Variants in P4HB observed in about 807,000 individuals in gnomAD.
The protein encoded by P4HB is protein disulfide-isomerase.
Under a neutral mutation model 52.6 loss-of-function variants are expected in P4HB, and 20 were observed. That is an observed-to-expected ratio of 0.38 (90% CI 0.27 to 0.55). P4HB has a LOEUF of 0.55. Ranked by LOEUF, P4HB falls within the 20% of genes least tolerant of loss-of-function variation. The pLI is 0.74. For synonymous variants in P4HB, 296 were observed against 277.9 expected, an observed-to-expected ratio of 1.07 and a Z score of -0.65; for missense variants, 601 against 669.2, an observed-to-expected ratio of 0.90 and a Z score of 1.12.
Position 81,860,348 on chromosome 17 carries a change from T to C in P4HB, c.124A>G (p.Lys42Glu). 7 of 1,473,564 alleles carry C rather than the reference T, an allele frequency of 4.8e-6. No homozygotes were observed. The highest frequency in any genetic ancestry group is 1.3e-5 in the South Asian group (1 of 76,332). 91.3% of individuals were successfully genotyped at this position (1,473,564 alleles called of 1,614,324 possible). ...TCACAGAACTCCACCAGCAGGTACT[T>C]GTGGGCCGCCAGCGCCTCCGCGAAG... ...SNFAEALAAH[K>E]YLLVEFYAPW... The change falls in exon 1 of 11, where the codon AAG (lysine) becomes GAG (glutamate). Residue 42 changes from lysine to glutamate, a missense_variant. Coordinates refer to ENST00000331483, the MANE Select transcript of P4HB (RefSeq NM_000918.4).
chr17:81,850,972 C>T (rs1390813569), intron 4 of P4HB, among the ~76,000 whole-genome samples: 2 of 151,566 alleles, frequency 1.3e-5, no homozygotes, highest in Non-Finnish European at 2.9e-5. Flanking sequence ...TGCTCTGTCG[C>T]CTACGCTGGA....
chr17:81,845,768 T>C, intron 8 of P4HB, 26 bp from the exon 9 acceptor site: 5 of 1,612,078 alleles, frequency 3.1e-6, no homozygotes, highest in Non-Finnish European at 4.2e-6. Context: ...TTCTAGGGTG[T>C]GTCCTGGACA....
At chr17:81,847,593 C>T (rs902392165) in intron 4 of P4HB, 9 of 551,492 alleles carry the variant, frequency 1.6e-5, no homozygotes, top group East Asian at 6.1e-5. Context: ...GCAAGCCTGG[C>T]GCACGTGGTC....
In P4HB at chr17:81,846,967, C is replaced by G; in HGVS notation, c.835G>C (p.Ala279Pro). ...DGKLSNFKTA[A>P]ESFKGKILFI... ...CTCACCTTGCCCTTGAAGCTCTCGG[C>G]TGCTGTTTTGAAGTTGCTCAGTTTG... Residue 279 changes from alanine (A) to proline (P), a missense_variant, in exon 6 of 11, where the codon GCC becomes CCC. Coordinates refer to ENST00000331483, the MANE Select transcript of P4HB (RefSeq NM_000918.4). This position sits in a 1 kb window ranked among gnomAD's most constrained non-coding sequence, Gnocchi z 5.7. The G allele has an allele frequency of 6.2e-7, 1 of 1,614,068 alleles. No individual in the cohort carries two copies. Among genetic ancestry groups the G allele is most frequent in the Non-Finnish European group, 8.5e-7 (1 of 1,180,034 alleles).
At chr17:81,845,275 G>T in intron 9 of P4HB, 45 bp from the exon 10 acceptor site, 1 of 1,489,670 alleles carries the variant, frequency 6.7e-7, no homozygotes, top group Non-Finnish European at 9.3e-7. Flanking sequence ...CCGGCCCAGA[G>T]CCAATCTCCT....
intron 2 of P4HB, among the ~76,000 whole-genome samples, chr17:81,857,489 C>G (rs2038929932): frequency 6.6e-6 from 1 of 152,324 alleles, no homozygotes; most frequent in East Asian, 1.9e-4. Context: ...CATGTACATC[C>G]ATCAAACACA....
Position 81,859,486 on chromosome 17 carries a change from T to C in P4HB, c.146-99A>G, listed in dbSNP as rs1015539468. On this transcript the variant is annotated intron_variant, in intron 1 of 10. Coordinates refer to ENST00000331483, the MANE Select transcript of P4HB (RefSeq NM_000918.4). The stretch of plus-strand genomic sequence containing the variant: ...CTTTTTCCTCTGGCATTTCCCTTCA[T>C]AAAAACCTTATCTACTCACCAAGAT... 159 of 1,055,544 alleles carry C rather than the reference T, an allele frequency of 1.5e-4. 1 individual carries two copies. Among genetic ancestry groups the C allele is most frequent in the Non-Finnish European group, 3.2e-5 (22 of 697,960 alleles). 65.4% of individuals were successfully genotyped at this position (1,055,544 alleles called of 1,614,324 possible).
Position 81,855,044 on chromosome 17 carries a change from G to T in P4HB, c.624+98C>A. The T allele has an allele frequency of 8.2e-7, 1 of 1,220,416 alleles. No individual in the cohort carries two copies. Among genetic ancestry groups the T allele is most frequent in the Non-Finnish European group, 1.2e-6 (1 of 836,118 alleles). 75.6% of individuals were successfully genotyped at this position (1,220,416 alleles called of 1,614,324 possible). ...AGAACATACCTATTGGGCCAAAGGT[G>T]CCAGGAGCAAGGTTCCCTTAACGAT... On this transcript the variant is annotated intron_variant, in intron 4 of 10. Coordinates refer to ENST00000331483, the MANE Select transcript of P4HB (RefSeq NM_000918.4). The surrounding 1 kb of genome is among the most constrained non-coding windows in gnomAD (Gnocchi z 4.3).
chr17:81,845,890 T>A lies in P4HB; in HGVS notation c.1158A>T (p.Lys386Asn), dbSNP rs142731141. The change falls in exon 8 of 11, where the codon AAA becomes AAT. Residue 386 changes from lysine (K) to asparagine (N), a missense_variant. Coordinates refer to ENST00000331483, the MANE Select transcript of P4HB (RefSeq NM_000918.4). ...ACTTACAGAACTCCACAAAGACGTT[T>A]TTTTTCTCATCAAAAGCCACGTCTT... ...NFEDVAFDEK[K>N]NVFVEFYAPW... 6.2e-7 allele frequency: 1 copy of A among 1,613,968 alleles called. No homozygotes were observed. The highest frequency in any genetic ancestry group is 1.7e-5 in the Admixed American group (1 of 60,012).
chr17:81,845,771 C>T lies in P4HB; in HGVS notation c.1178-29G>A, dbSNP rs1477630740. 4 of 1,612,862 alleles carry T rather than the reference C, an allele frequency of 2.5e-6. No individual in the cohort carries two copies. In the South Asian group the frequency reaches 4.4e-5, roughly 18 times the overall value. Reference sequence around the variant, plus strand: ...AAAAGAAAGCAGTTCTAGGGTGTGTCCTGGACACAAAGCCACTGGCAGACG... The same window carrying T: ...AAAAGAAAGCAGTTCTAGGGTGTGTTCTGGACACAAAGCCACTGGCAGACG... On this transcript the variant is annotated intron_variant, in intron 8 of 10. Transcript: ENST00000331483.
At chr17:81,853,910 G>A (rs1021021322) in intron 4 of P4HB, among the ~76,000 whole-genome samples, 4 of 152,216 alleles carry the variant, frequency 2.6e-5, no homozygotes, top group Non-Finnish European at 4.4e-5. Flanking sequence ...CACCTGCCTG[G>A]TGACCGAGAA....
At chr17:81,854,992 C>A (rs980646661) in intron 4 of P4HB, 150 bp downstream of exon 4, 1 of 759,064 alleles carries the variant, frequency 1.3e-6, no homozygotes, top group Non-Finnish European at 2.3e-6. Flanking sequence ...CAGGCATCAG[C>A]GCAACACCCC....
At chr17:81,857,024 C>G (rs1049782495) in intron 2 of P4HB, among the ~76,000 whole-genome samples, 3 of 152,054 alleles carry the variant, frequency 2.0e-5, no homozygotes, top group Non-Finnish European at 4.4e-5. Flanking sequence ...ATTAAGCAGT[C>G]CGCCCACCTC....
chr17:81,846,289 G>A lies in P4HB; in HGVS notation c.1056+140C>T. 1.2e-6 allele frequency: 1 copy of A among 807,422 alleles called. No homozygotes were observed. The highest frequency in any genetic ancestry group is 2.0e-6 in the Non-Finnish European group (1 of 499,794). The allele number at this position is 807,422 out of a possible 1,614,324, so 50.0% of individuals were successfully genotyped here. On this transcript the variant is annotated intron_variant, in intron 7 of 10. Coordinates refer to ENST00000331483, the MANE Select transcript of P4HB (RefSeq NM_000918.4). The surrounding 1 kb of genome is among the most constrained non-coding windows in gnomAD (Gnocchi z 5.7). Reference sequence around the variant, plus strand: ...CCCCAAAGGTGTGACAAGAATGGTGGTCTTCACACCATCTTGGGCTCCGTC... The same window carrying A: ...CCCCAAAGGTGTGACAAGAATGGTGATCTTCACACCATCTTGGGCTCCGTC...
rs748371283 is a variant in P4HB, at chr17:81,847,090, G to A, written c.730-18C>T. The A allele has an allele frequency of 1.2e-6, 2 of 1,613,944 alleles. No individual in the cohort carries two copies. The highest frequency in any genetic ancestry group is 1.7e-6 in the Non-Finnish European group (2 of 1,179,996). On this transcript the variant is annotated intron_variant, in intron 5 of 10. Transcript: ENST00000331483. The stretch of plus-strand genomic sequence containing the variant: ...GGGGCTGTCTGTGTTATAAACTTAA[G>A]TTACTGGGTCTGAGTCACACACTAT...
rs1311801313 is a variant in P4HB, at chr17:81,860,444, C to A, written c.28G>T (p.Ala10Ser). Residue 10 changes from alanine (A) to serine (S), a missense_variant, in exon 1 of 11, where the codon GCC (alanine) becomes TCC (serine). By Grantham distance (99) the Ala-to-Ser change is moderately conservative. Transcript: ENST00000331483. MLRRALLCLAVAALVRADAP... is the reference protein window; with the variant it reads MLRRALLCLSVAALVRADAP... ...TCGGCGCGCACCAGGGCGGCCACGGCCAGGCACAGCAGAGCGCGGCGCAGC... is the reference window on the plus strand; with the variant it reads ...TCGGCGCGCACCAGGGCGGCCACGGACAGGCACAGCAGAGCGCGGCGCAGC... The A allele has an allele frequency of 3.6e-6, 5 of 1,390,662 alleles. No individual in the cohort carries two copies. The highest frequency in any genetic ancestry group is 4.7e-6 in the Non-Finnish European group (5 of 1,068,072). The allele number at this position is 1,390,662 out of a possible 1,614,324, so 86.1% of individuals were successfully genotyped here.
chr17:81,846,358 CTGAG>C lies in P4HB; in HGVS notation c.1056+67_1056+70del. The C allele has an allele frequency of 7.2e-7, 1 of 1,397,430 alleles. No homozygotes were observed. Among genetic ancestry groups the C allele is most frequent in the South Asian group, 1.2e-5 (1 of 86,490 alleles). The allele number at this position is 1,397,430 out of a possible 1,614,324, so 86.6% of individuals were successfully genotyped here. On this transcript the variant is annotated intron_variant, in intron 7 of 10. Transcript: ENST00000331483. This position sits in a 1 kb window ranked among gnomAD's most constrained non-coding sequence, Gnocchi z 5.7. ...TACTTTGAGGACGAAGCCCAGGACA[CTGAG>C]AGCCCAGAGACCCCAAGGTGGCGGC...
Position 81,847,346 on chromosome 17 carries a change from A to G in P4HB, c.626T>C (p.Phe209Ser). The G allele has an allele frequency of 6.2e-7, 1 of 1,612,838 alleles. No individual in the cohort carries two copies. Among genetic ancestry groups the G allele is most frequent in the Non-Finnish European group, 8.5e-7 (1 of 1,178,844 alleles). ...DKDGVVLFKK[F>S]DEGRNNFEGE... ...TTCAAAGTTGTTCCGGCCTTCATCAAACTGTGGACAGAAAGAGGGCCCTGA... is the reference window on the plus strand; with the variant it reads ...TTCAAAGTTGTTCCGGCCTTCATCAGACTGTGGACAGAAAGAGGGCCCTGA... Residue 209 changes from phenylalanine to serine, a missense_variant and splice_region_variant, in exon 5 of 11, where the codon TTT (phenylalanine) becomes TCT (serine). By Grantham distance (155) the Phe-to-Ser change is radical. Transcript: ENST00000331483.
At position 81,843,659 on chromosome 17, in the gene P4HB, G is replaced by T; in HGVS notation, c.*353C>A. ...AAAATGTCTAAAAATCCCACAGACG[G>T]AATTTTCAAAAAGAGGAGAAACCTC... is the stretch of plus-strand genomic sequence containing the variant. On this transcript the variant is annotated 3_prime_UTR_variant, in exon 11 of 11. Transcript: ENST00000331483. 2.2e-6 allele frequency: 1 copy of T among 455,162 alleles called. No homozygotes were observed. Among genetic ancestry groups the T allele is most frequent in the Non-Finnish European group, 3.9e-6 (1 of 258,636 alleles). 28.2% of individuals were successfully genotyped at this position (455,162 alleles called of 1,614,324 possible). A position where few individuals can be genotyped will look rare whatever the true frequency, so the allele number is the denominator to read the frequency against.
Sources: gnomAD v4.1 joint callset for allele counts (sites outside exome capture counted in the v4.1 genomes callset) on GRCh38, gnomAD v4.1.1 for gene constraint, Gnocchi (gnomAD v3.1) non-coding constraint, MANE v1.5 for transcripts, NCBI Gene and HGNC (gene_info 2026-07-23, HGNC 2026-07-21) for gene names.